The following DMD variants were observed in gnomAD, a reference collection of about 807,000 sequenced individuals.
DMD encodes mutant dystrophin.
DMD carries 63 observed loss-of-function variants against 330.1 expected under a neutral mutation model. The ratio of observed to expected loss-of-function variants is 0.19; its 90% CI spans 0.16 to 0.24. The LOEUF (loss-of-function observed/expected upper bound fraction) is 0.24, where lower values mean the gene tolerates loss of function less well. DMD is among the 10% of genes least tolerant of loss of function. The probability of loss-of-function intolerance (pLI) is 1.00; values close to 1 mark genes in which losing one functional copy is unlikely to be tolerated. For synonymous variants in DMD, 1,223 were observed against 959.8 expected (o/e 1.27, Z -5.07); for missense variants, 3,344 against 2,684.1 (o/e 1.25, Z -5.43).
In DMD at chrX:32,343,196, A is replaced by G. The variant is rs186237022; in HGVS notation, c.5677T>C (p.Leu1893=). Residue 1893 remains leucine, a synonymous_variant, in exon 40 of 79, where the codon TTG becomes CTG. Coordinates refer to ENST00000357033, the MANE Select transcript of DMD (RefSeq NM_004006.3). ...GCTAATTTTTTTTCAATGTCATCCA[A>G]GCATTTCAGGAGATCATCAGCCTGC... The part of the protein sequence containing the change: ...KRQADDLLKC[L]DDIEKKLASL... The G allele has an allele frequency of 2.2e-5, 27 of 1,208,315 alleles. No individual in the cohort carries two copies. Among genetic ancestry groups the G allele is most frequent in the African/African-American group, 1.9e-4 (11 of 57,058 alleles).
At chrX:32,156,519 C>T (rs781315815) in intron 44 of DMD, among the ~76,000 whole-genome samples, 2 of 111,395 alleles carry the variant, frequency 1.8e-5, no homozygotes, top group South Asian at 7.6e-4. Flanking sequence ...TATAATAGCC[C>T]ATTCCTCAGT....
intron 7 of DMD, among the ~76,000 whole-genome samples, chrX:32,714,289 C>T (rs146506858): frequency 1.8e-5 from 2 of 111,325 alleles, no homozygotes; most frequent in Admixed American, 9.6e-5. Flanking sequence ...TACAATGTAC[C>T]TAATAGGTAA....
chrX:33,321,606 A>C (rs1213583209), intron 1 of DMD, among the ~76,000 whole-genome samples: 4 of 111,376 alleles, frequency 3.6e-5, no homozygotes, highest in African/African-American at 9.8e-5. Flanking sequence ...ATGGTAAATG[A>C]GCATTGCTTC....
At chrX:33,292,425 C>G (rs1278768602) in intron 1 of DMD, among the ~76,000 whole-genome samples, 2 of 111,171 alleles carry the variant, frequency 1.8e-5, no homozygotes, top group Non-Finnish European at 3.8e-5. Flanking sequence ...TATTTATAAA[C>G]AGATATACAT....
At chrX:31,127,348 A>G (rs1264867414) in intron 77 of DMD, among the ~76,000 whole-genome samples, 1 of 111,597 alleles carries the variant, frequency 9.0e-6, no homozygotes, top group African/African-American at 3.3e-5. Context: ...TTACGAGGCA[A>G]TGGCTAAAGA....
chrX:32,046,891 T>C (rs764880301), intron 44 of DMD, among the ~76,000 whole-genome samples: 1 of 111,588 alleles, frequency 9.0e-6, no homozygotes, highest in South Asian at 3.7e-4. Context: ...ACAAATTATT[T>C]TGCGTAATTC....
At position 32,486,778 on chromosome X, in the gene DMD, T is replaced by G. The variant is rs748128100; in HGVS notation, c.2623-1679A>C. 2.8e-5 allele frequency among the ~76,000 whole-genome samples: 3 copies of G among 105,977 alleles called. No individual in the cohort carries two copies. In the Admixed American group the frequency reaches 3.1e-4, roughly 11 times the overall value. 92.0% of individuals were successfully genotyped at this position (105,977 alleles called of 115,157 possible). On this transcript the variant is annotated intron_variant, in intron 20 of 78. Transcript: ENST00000357033. The stretch of plus-strand genomic sequence containing the variant: ...GGATTCCCTATTTAATAAATGGTGC[T>G]GGGAAAACTGGCTAGCCATATGTAG...
intron 30 of DMD, among the ~76,000 whole-genome samples, chrX:32,409,510 A>C (rs2098133207): frequency 9.0e-6 from 1 of 111,644 alleles, no homozygotes; most frequent in South Asian, 3.7e-4. Context: ...AATAAGAAAA[A>C]ACACACAGTG....
rs1326427981 is a variant in DMD, at chrX:32,779,472, G to A, written c.649+30021C>T. Among the ~76,000 whole-genome samples the A allele has an allele frequency of 3.6e-5, 4 of 110,067 alleles. No homozygotes were observed. The East Asian group carries it at 1.1e-3, about 31-fold the overall frequency. ...ATTTAATTTTTACCACTAGCATTTA[G>A]ACATTTTTAAAGTTATCTTTTGAAA... On this transcript the variant is annotated intron_variant, in intron 7 of 78. Coordinates refer to ENST00000357033, the MANE Select transcript of DMD (RefSeq NM_004006.3).
intron 9 of DMD, among the ~76,000 whole-genome samples, chrX:32,671,200 C>G (rs1362050754): frequency 9.1e-6 from 1 of 109,941 alleles, no homozygotes; most frequent in East Asian, 2.8e-4. Flanking sequence ...GAAATTTGGC[C>G]TAGGTACTTA....
intron 1 of DMD, among the ~76,000 whole-genome samples, chrX:33,223,534 G>A (rs748599745): frequency 1.3e-4 from 15 of 112,124 alleles, no homozygotes; most frequent in South Asian, 1.1e-3. Context: ...TCAATAAATG[G>A]TGCTGGAACA....
intron 55 of DMD, among the ~76,000 whole-genome samples, chrX:31,576,665 T>C (rs2076113042): frequency 9.0e-6 from 1 of 111,522 alleles, no homozygotes; most frequent in Admixed American, 9.6e-5. Context: ...AATTAGTCAA[T>C]TTTACATTTA....
At chrX:32,621,714 G>T (rs186479644) in intron 11 of DMD, among the ~76,000 whole-genome samples, 2 of 110,338 alleles carry the variant, frequency 1.8e-5, no homozygotes, top group Non-Finnish European at 3.8e-5. Context: ...GTGCAAACGG[G>T]ATGGCTCAAT....
At chrX:32,363,986 C>G (rs911177108) in intron 36 of DMD, among the ~76,000 whole-genome samples, 2 of 111,748 alleles carry the variant, frequency 1.8e-5, no homozygotes, top group African/African-American at 6.5e-5. Context: ...CTCTCATACC[C>G]TTTTATCGGA....
At chrX:31,286,352 T>G (rs1234137566) in intron 62 of DMD, among the ~76,000 whole-genome samples, 1 of 112,641 alleles carries the variant, frequency 8.9e-6, no homozygotes, top group East Asian at 2.8e-4. Flanking sequence ...TCACGAATCT[T>G]CATTTTATTG....
intron 44 of DMD, among the ~76,000 whole-genome samples, chrX:31,994,245 C>A (rs1158854087): frequency 1.8e-5 from 2 of 111,828 alleles, no homozygotes; most frequent in Admixed American, 9.5e-5. Flanking sequence ...ATTAAAGCAT[C>A]TCAGTTTTTG....
At chrX:32,688,728 T>A (rs2063062808) in intron 9 of DMD, among the ~76,000 whole-genome samples, 1 of 111,933 alleles carries the variant, frequency 8.9e-6, no homozygotes. Context: ...ATTATACTCC[T>A]GTTTTCATCT....
intron 59 of DMD, among the ~76,000 whole-genome samples, chrX:31,464,901 T>A (rs2066750956): frequency 8.9e-6 from 1 of 112,480 alleles, no homozygotes; most frequent in Non-Finnish European, 1.9e-5. Context: ...TAAGCAGATG[T>A]CTGAAACAAT....
intron 60 of DMD, among the ~76,000 whole-genome samples, chrX:31,369,835 C>T (rs2059447708): frequency 9.0e-6 from 1 of 111,598 alleles, no homozygotes; most frequent in South Asian, 3.8e-4. Flanking sequence ...AAACCTCATA[C>T]TTTATATAAA....
Sources: allele counts gnomAD v4.1 joint callset (sites outside exome capture counted in the v4.1 genomes callset), GRCh38; gene constraint gnomAD v4.1.1; transcripts MANE v1.5; gene names NCBI Gene and HGNC (gene_info 2026-07-23, HGNC 2026-07-21).